The following COL27A1 variants were observed in gnomAD, a reference collection of about 807,000 sequenced individuals.
COL27A1 encodes the protein collagen type XXVII alpha 1 chain.
COL27A1 carries 106 observed loss-of-function variants against 251.3 expected under a neutral mutation model. The ratio of observed to expected loss-of-function variants is 0.42; its 90% confidence interval spans 0.36 to 0.50. The LOEUF (loss-of-function observed/expected upper bound fraction) is 0.50, where lower values mean the gene tolerates loss of function less well. Among genes scored for constraint, COL27A1 ranks in the 20% least tolerant of loss-of-function variants. The probability of loss-of-function intolerance (pLI) is 0.00; values close to 1 mark genes in which losing one functional copy is unlikely to be tolerated. For missense variants in COL27A1, 2,325 were observed against 2,522.8 expected (o/e 0.92, Z 1.68); for synonymous variants, 1,000 against 986.3 (o/e 1.01, Z -0.26).
At chr9:114,265,917 CTG>C (rs940938933) in intron 32 of COL27A1, among the ~76,000 whole-genome samples, 25 of 152,252 alleles carry the variant, frequency 1.6e-4, no homozygotes, top group Non-Finnish European at 1.9e-4. Flanking sequence ...CACGGGGACA[CTG>C]TGCTTTTTAT....
At chr9:114,188,623 T>TATACATACACAGGC (rs755650823) in intron 5 of COL27A1, among the ~76,000 whole-genome samples, 1 of 152,210 alleles carries the variant, frequency 6.6e-6, no homozygotes, top group Non-Finnish European at 1.5e-5. Flanking sequence ...TATATTTGTA[T>TATACATACACAGGC]ATACATACAC....
intron 50 of COL27A1, 130 bp downstream of exon 50, chr9:114,300,253 A>G: frequency 3.4e-6 from 3 of 885,242 alleles, no homozygotes; most frequent in Non-Finnish European, 5.4e-6. Flanking sequence ...ATCAGGCATG[A>G]ACACCCTCAT....
At chr9:114,300,296 C>A in intron 50 of COL27A1, 173 bp downstream of exon 50, 1 of 657,764 alleles carries the variant, frequency 1.5e-6, no homozygotes, top group Non-Finnish European at 2.6e-6. Flanking sequence ...AGGTTCCAAG[C>A]CCAGCTACAC....
chr9:114,306,762 G>T, intron 58 of COL27A1, 74 bp downstream of exon 58: 1 of 1,536,994 alleles, frequency 6.5e-7, no homozygotes, highest in Non-Finnish European at 8.8e-7. Context: ...TTTGATTTCC[G>T]CCGCATTTTG....
chr9:114,264,998 C>T, intron 30 of COL27A1, 30 bp downstream of exon 30: 1 of 1,612,494 alleles, frequency 6.2e-7, no homozygotes, highest in Non-Finnish European at 8.5e-7. Context: ...AGCAGGCCAG[C>T]TGCAGGCCCC....
chr9:114,169,267 T>G lies in COL27A1; in HGVS notation c.1712T>G (p.Leu571Arg). Residue 571 changes from leucine (L) to arginine (R), a missense_variant, in exon 3 of 61, where the codon CTG becomes CGG. Leu to Arg is a moderately radical substitution (Grantham distance 102, BLOSUM62 -2). Coordinates refer to ENST00000356083, the MANE Select transcript of COL27A1 (RefSeq NM_032888.4). Reference protein sequence around the residue: ...KAARDVPLSDLTTRPSPRQPQ... With the variant: ...KAARDVPLSDRTTRPSPRQPQ... ...GCCAGGGATGTCCCCTTGAGCGATC[T>G]GACAACCAGGCCTAGCCCCAGACAG... The G allele has an allele frequency of 6.2e-7, 1 of 1,612,804 alleles. No homozygotes were observed. The highest frequency in any genetic ancestry group is 1.3e-5 in the African/African-American group (1 of 75,020).
At chr9:114,285,822 C>A (rs567555688) in intron 41 of COL27A1, among the ~76,000 whole-genome samples, 23 of 152,352 alleles carry the variant, frequency 1.5e-4, no homozygotes, top group Non-Finnish European at 3.2e-4. Flanking sequence ...TGGTGTGCCC[C>A]AAGGCCTCTG....
intron 5 of COL27A1, among the ~76,000 whole-genome samples, chr9:114,192,139 G>A (rs1828791672): frequency 6.6e-6 from 1 of 152,182 alleles, no homozygotes. Context: ...AAAATGCCCT[G>A]GGTAAGGACC....
At chr9:114,182,710 G>GGT (rs1828026687) in intron 4 of COL27A1, among the ~76,000 whole-genome samples, 1 of 152,168 alleles carries the variant, frequency 6.6e-6, no homozygotes, top group South Asian at 2.1e-4. Flanking sequence ...TTAGCAGCTG[G>GGT]GTGATCTGAG....
chr9:114,166,274 C>CCAT (rs374157243), intron 2 of COL27A1, among the ~76,000 whole-genome samples: 7,505 of 126,908 alleles, frequency 0.059, 283 homozygotes, highest in East Asian at 0.11. Context: ...CATCCATCCA[C>CCAT]CCATCCATCC....
At chr9:114,197,699 C>T (rs1328718989) in intron 7 of COL27A1, among the ~76,000 whole-genome samples, 1 of 152,220 alleles carries the variant, frequency 6.6e-6, no homozygotes, top group Non-Finnish European at 1.5e-5. Flanking sequence ...CAAGAGGAGC[C>T]AACTCACCTG....
intron 5 of COL27A1, among the ~76,000 whole-genome samples, chr9:114,189,840 A>G (rs535267238): frequency 6.6e-6 from 1 of 152,198 alleles, no homozygotes; most frequent in Non-Finnish European, 1.5e-5. Context: ...TACTTTTTGT[A>G]TTTAATTTAT....
rs763676344 is a variant in COL27A1 at position 114,292,220 on chromosome 9, C to T, written c.4584+10C>T. The T allele has an allele frequency of 4.6e-5, 71 of 1,546,610 alleles. No homozygotes were observed. Among genetic ancestry groups the T allele is most frequent in the Non-Finnish European group, 5.9e-5 (68 of 1,143,234 alleles). ...GTCCAAAGGCCAGCCGGTGAGTGAG[C>T]GCCAAAGAATACACATGCCCACGCA... On this transcript the variant is annotated intron_variant, in intron 49 of 60. Transcript: ENST00000356083.
At chr9:114,198,966 G>C (rs1378806006) in intron 7 of COL27A1, among the ~76,000 whole-genome samples, 1 of 152,206 alleles carries the variant, frequency 6.6e-6, no homozygotes, top group African/African-American at 2.4e-5. Context: ...CTGGCACTTT[G>C]TATGTATTTG....
At chr9:114,268,237 C>A (rs1834881031) in intron 34 of COL27A1, among the ~76,000 whole-genome samples, 2 of 152,062 alleles carry the variant, frequency 1.3e-5, no homozygotes, top group South Asian at 4.2e-4. Context: ...CTGCCCTCCT[C>A]CTGTGCCCCT....
chr9:114,208,750 C>T (rs1026529708), intron 10 of COL27A1, among the ~76,000 whole-genome samples: 6 of 151,972 alleles, frequency 3.9e-5, no homozygotes, highest in African/African-American at 7.3e-5. Context: ...AGGATGCTAC[C>T]GAGGTGCAAA....
At chr9:114,187,237 C>T (rs1350103194) in intron 5 of COL27A1, among the ~76,000 whole-genome samples, 1 of 152,250 alleles carries the variant, frequency 6.6e-6, no homozygotes, top group South Asian at 2.1e-4. Flanking sequence ...CAGGGGGCTT[C>T]CAGCCCAGAA....
At chr9:114,264,776 C>A in intron 29 of COL27A1, 148 bp from the exon 30 acceptor site, 1 of 802,578 alleles carries the variant, frequency 1.2e-6, no homozygotes, top group Non-Finnish European at 1.9e-6. Context: ...CCTTGTCAGG[C>A]CTTAGTTTTC....
Position 114,168,159 on chromosome 9 carries a change from A to T in COL27A1, c.604A>T (p.Met202Leu). 1.9e-6 allele frequency: 3 copies of T among 1,613,548 alleles called. No individual in the cohort carries two copies. The highest frequency in any genetic ancestry group is 2.5e-6 in the Non-Finnish European group (3 of 1,180,004). The change falls in exon 3 of 61, where the codon ATG becomes TTG. Residue 202 changes from methionine to leucine, a missense_variant. Met to Leu is a conservative substitution (Grantham distance 15, BLOSUM62 2). This residue lies in a region of COL27A1 where 1,183 missense variants were observed against 1,144.1 expected (regional missense o/e 1.03). Coordinates refer to ENST00000356083, the MANE Select transcript of COL27A1 (RefSeq NM_032888.4). Reference sequence around the variant, plus strand: ...TGGGGGCTCCTTCCTCTTTGGGAAGATGAACCCGCATGCAGTCCAGTTTGA... The same window carrying T: ...TGGGGGCTCCTTCCTCTTTGGGAAGTTGAACCCGCATGCAGTCCAGTTTGA... ...DPGGSFLFGKMNPHAVQFEGA... is the reference protein window; with the variant it reads ...DPGGSFLFGKLNPHAVQFEGA...
Sources: allele counts gnomAD v4.1 joint callset (sites outside exome capture counted in the v4.1 genomes callset), GRCh38; gene constraint gnomAD v4.1.1; regional missense constraint gnomAD v4.1.1; transcripts MANE v1.5; gene names NCBI Gene and HGNC (gene_info 2026-07-23, HGNC 2026-07-21).